Variants in BCR observed in about 807,000 individuals in gnomAD.
BCR encodes the protein BCR activator of RhoGEF and GTPase.
A neutral mutation model predicts 138.6 loss-of-function variants in BCR; 58 were observed. That is an observed-to-expected ratio of 0.42 (90% CI 0.34 to 0.52). The LOEUF is 0.52. Among genes scored for constraint, BCR ranks in the 20% least tolerant of loss-of-function variants. The pLI is 0.06. For synonymous variants in BCR, 786 were observed against 730.1 expected (o/e 1.08, Z -1.23); for missense variants, 1,599 against 1,727.2 (o/e 0.93, Z 1.32).
At chr22:23,283,882 C>T in intron 8 of BCR, 95 bp from the exon 9 acceptor site, 1 of 1,427,454 alleles carries the variant, frequency 7.0e-7, no homozygotes. Context: ...GAGAATGTCT[C>T]TGGGTCAACC....
At chr22:23,227,055 G>A (rs1286318706) in intron 1 of BCR, among the ~76,000 whole-genome samples, 1 of 150,946 alleles carries the variant, frequency 6.6e-6, no homozygotes, top group East Asian at 1.9e-4. Context: ...TTCACCTTAA[G>A]CTTTAAAAAA....
At chr22:23,214,236 G>A (rs1310763597) in intron 1 of BCR, among the ~76,000 whole-genome samples, 7 of 151,984 alleles carry the variant, frequency 4.6e-5, no homozygotes, top group Non-Finnish European at 8.8e-5. Flanking sequence ...GTTAAAGTGG[G>A]AGATGGGAAG....
At chr22:23,291,626 T>TA (rs1555883616) in intron 14 of BCR, among the ~76,000 whole-genome samples, 1 of 152,028 alleles carries the variant, frequency 6.6e-6, no homozygotes, top group Admixed American at 6.6e-5. Flanking sequence ...GCCTCCCTGT[T>TA]ACCTTTCTTT....
chr22:23,311,798 C>T lies in BCR; in HGVS notation c.3284C>T (p.Ala1095Val). Residue 1095 changes from alanine to valine, a missense_variant, in exon 19 of 23, where the codon GCC (alanine) becomes GTC (valine). By Grantham distance (64) the Ala-to-Val change is moderately conservative (BLOSUM62 0). Transcript: ENST00000305877. ...GGCATCTACCGCGTGTCCGGTGTGG[C>T]CACGGACATCCAGGCACTGAAGGCA... ...EVGIYRVSGVATDIQALKAAF... is the reference protein window; with the variant it reads ...EVGIYRVSGVVTDIQALKAAF... 6.2e-7 allele frequency: 1 copy of T among 1,611,782 alleles called. No homozygotes were observed. Among genetic ancestry groups the T allele is most frequent in the Non-Finnish European group, 8.5e-7 (1 of 1,179,858 alleles).
chr22:23,205,689 T>A (rs1441786709), intron 1 of BCR, among the ~76,000 whole-genome samples: 6 of 151,970 alleles, frequency 3.9e-5, no homozygotes, highest in Non-Finnish European at 8.8e-5. Flanking sequence ...TGGGATTGGC[T>A]GAACTTTCCT....
Position 23,257,492 on chromosome 22 carries a change from A to G in BCR, c.1462-3458A>G, listed in dbSNP as rs554687325. Among the ~76,000 whole-genome samples the G allele has an allele frequency of 2.0e-5, 3 of 152,380 alleles. No homozygotes were observed. The South Asian group carries it at 6.2e-4, about 32-fold the overall frequency. On this transcript the variant is annotated intron_variant, in intron 2 of 22. Coordinates refer to ENST00000305877, the MANE Select transcript of BCR (RefSeq NM_004327.4). ...GCCCTACAGGCCGCCTGGTACTCAT[A>G]GTAGCAAGATTGTCCTTAGAACATG...
chr22:23,285,354 A>T (rs2073700014), intron 10 of BCR, among the ~76,000 whole-genome samples, 153 bp downstream of exon 10: 1 of 152,166 alleles, frequency 6.6e-6, no homozygotes, highest in Non-Finnish European at 1.5e-5. Flanking sequence ...AGGGCTGGGC[A>T]TCTGGGCACA....
At chr22:23,291,089 TCA>T (rs1260763073) in intron 14 of BCR, 1 of 152,052 alleles carries the variant, frequency 6.6e-6, no homozygotes, top group Admixed American at 6.6e-5. Flanking sequence ...GCACCTGTAA[TCA>T]CAACTGCTTG....
rs2073984371 is a variant in BCR, at chr22:23,309,417, C to T, written c.3013-7C>T. The T allele has an allele frequency of 6.3e-7, 1 of 1,594,918 alleles. No individual in the cohort carries two copies. Among genetic ancestry groups the T allele is most frequent in the Non-Finnish European group, 8.5e-7 (1 of 1,170,422 alleles). On this transcript the variant is annotated splice_polypyrimidine_tract_variant and splice_region_variant and intron_variant, in intron 16 of 22. Transcript: ENST00000305877. ...GGCCTCTGCCAATCATGACTCCTTC[C>T]TTTCAGCTGGACCCGCAGGCCCTGC...
At chr22:23,286,369 G>A (rs1270584462) in intron 10 of BCR, among the ~76,000 whole-genome samples, 5 of 152,202 alleles carry the variant, frequency 3.3e-5, no homozygotes, top group African/African-American at 1.2e-4. Context: ...AGGACAGGAG[G>A]TCCTCAGCCC....
rs2146329234 is a variant in BCR, at chr22:23,311,791, G to A, written c.3277G>A (p.Gly1093Ser). Residue 1093 changes from glycine (G) to serine (S), a missense_variant, in exon 19 of 23, where the codon GGT (glycine) becomes AGT (serine). By Grantham distance (56) the Gly-to-Ser change is moderately conservative. Transcript: ENST00000305877. ...MEEVGIYRVS[G>S]VATDIQALKA... is the part of the protein sequence containing the mutation. ...GGAGGTGGGCATCTACCGCGTGTCC[G>A]GTGTGGCCACGGACATCCAGGCACT... 3.1e-6 allele frequency: 5 copies of A among 1,611,810 alleles called. No homozygotes were observed. The highest frequency in any genetic ancestry group is 1.3e-5 in the African/African-American group (1 of 74,992).
Position 23,180,570 on chromosome 22 carries a change from A to AGGAGGC in BCR, c.-389_-388insAGGCGG, listed in dbSNP as rs1555958085. On this transcript the variant is annotated 5_prime_UTR_variant, in exon 1 of 23. Coordinates refer to ENST00000305877, the MANE Select transcript of BCR (RefSeq NM_004327.4). ...GGCTGGCTGAGCTTAGCGTCCGAGG[A>AGGAGGC]GGCGGCGGCGGCGGCGGCGGCACGG... 1.8e-5 allele frequency: 2 copies of AGGAGGC among 108,992 alleles called. No homozygotes were observed. Among genetic ancestry groups the AGGAGGC allele is most frequent in the Non-Finnish European group, 3.0e-5 (2 of 66,670 alleles). 6.8% of individuals were successfully genotyped at this position (108,992 alleles called of 1,614,324 possible). A position where few individuals can be genotyped will look rare whatever the true frequency, so the allele number is the denominator to read the frequency against.
chr22:23,277,511 C>CCTG (rs377227910), intron 8 of BCR, among the ~76,000 whole-genome samples: 3,226 of 152,026 alleles, frequency 0.021, 116 homozygotes, highest in Admixed American at 0.091. Flanking sequence ...TACCCCATCC[C>CCTG]CTGCTGCTGC....
chr22:23,283,967 G>T lies in BCR; in HGVS notation c.2116-10G>T. 1 of 1,587,740 alleles carries T rather than the reference G, an allele frequency of 6.3e-7. No individual in the cohort carries two copies. Among genetic ancestry groups the T allele is most frequent in the East Asian group, 2.3e-5 (1 of 43,638 alleles). On this transcript the variant is annotated splice_polypyrimidine_tract_variant and intron_variant, in intron 8 of 22. Transcript: ENST00000305877. Reference sequence around the variant, plus strand: ...GCTGGCCCTGACCCCAGCCTTCCCTGTGCCTGCAGCACCGGCAGCTGCTGA... The same window carrying T: ...GCTGGCCCTGACCCCAGCCTTCCCTTTGCCTGCAGCACCGGCAGCTGCTGA...
chr22:23,203,551 T>C, intron 1 of BCR, among the ~76,000 whole-genome samples: 1 of 152,194 alleles, frequency 6.6e-6, no homozygotes, highest in Non-Finnish European at 1.5e-5. Flanking sequence ...CCCGATTCCT[T>C]GATGACCCTC....
In BCR at chr22:23,268,481, G is replaced by C. The variant is rs913587496; in HGVS notation, c.1826G>C (p.Cys609Ser). 7 of 1,613,846 alleles carry C rather than the reference G, an allele frequency of 4.3e-6. No individual in the cohort carries two copies. The highest frequency in any genetic ancestry group is 5.9e-6 in the Non-Finnish European group (7 of 1,179,932). ...GVAMEMAEKC[C>S]QANAQFAEIS... ...GCCATGGAAATGGCTGAGAAGTGCT[G>C]TCAGGCCAATGCTCAGTTTGCAGAA... Residue 609 changes from cysteine to serine, a missense_variant, in exon 5 of 23, where the codon TGT (cysteine) becomes TCT (serine). By Grantham distance (112) the Cys-to-Ser change is moderately radical. Coordinates refer to ENST00000305877, the MANE Select transcript of BCR (RefSeq NM_004327.4).
intron 20 of BCR, 36 bp downstream of exon 20, chr22:23,313,057 C>T (rs1317139199): frequency 6.5e-7 from 1 of 1,541,150 alleles, no homozygotes; most frequent in Non-Finnish European, 8.7e-7. Flanking sequence ...TGGGAGACGT[C>T]TCCTCCACGT....
chr22:23,254,669 C>T (rs2146268571), intron 2 of BCR: 1 of 505,726 alleles, frequency 2.0e-6, no homozygotes, highest in African/African-American at 1.9e-5. Flanking sequence ...GCTGGTCCCA[C>T]AGCTCAGGGG....
chr22:23,221,676 C>T (rs1258415815), intron 1 of BCR, among the ~76,000 whole-genome samples: 2 of 152,224 alleles, frequency 1.3e-5, no homozygotes, highest in Non-Finnish European at 2.9e-5. Flanking sequence ...GGACTCAAGA[C>T]AGATCCTCAA....
Sources: allele counts gnomAD v4.1 joint callset (sites outside exome capture counted in the v4.1 genomes callset), GRCh38; gene constraint gnomAD v4.1.1; transcripts MANE v1.5; gene names NCBI Gene and HGNC (gene_info 2026-07-23, HGNC 2026-07-21).